Variants in TRIM59 observed in about 807,000 individuals in gnomAD.
TRIM59 encodes the protein tripartite motif containing 59, also known as tripartite motif-containing protein 59.
TRIM59 carries 14 observed loss-of-function variants against 32.2 expected under a neutral mutation model. The ratio of observed to expected loss-of-function variants is 0.43; its 90% CI spans 0.29 to 0.68. The LOEUF is 0.68. Among genes scored for constraint, TRIM59 ranks in the 30% least tolerant of loss-of-function variants. The pLI is 0.15. For synonymous variants in TRIM59, 163 were observed against 155.1 expected, an observed-to-expected ratio of 1.05 and a Z score of -0.38; for missense variants, 471 against 463.3, an observed-to-expected ratio of 1.02 and a Z score of -0.15.
At position 160,438,063 on chromosome 3, in the gene TRIM59, C is replaced by G; in HGVS notation, c.1121G>C (p.Ser374Thr). 2.5e-6 allele frequency: 4 copies of G among 1,608,504 alleles called. No individual in the cohort carries two copies. Among genetic ancestry groups the G allele is most frequent in the Non-Finnish European group, 3.4e-6 (4 of 1,178,612 alleles). ...FSEASLSVYQ[S>T]LSNSLHKVKN... ...TACCTTATGCAGACTGTTAGATAAA[C>G]TTTGGTAAACAGATAGAGAGGCTTC... The change falls in exon 3 of 3, where the codon AGT becomes ACT. Residue 374 changes from serine (S) to threonine (T), a missense_variant. Coordinates refer to ENST00000309784, the MANE Select transcript of TRIM59 (RefSeq NM_173084.3).
In TRIM59 at chr3:160,438,156, A is replaced by G; in HGVS notation, c.1028T>C (p.Met343Thr). Residue 343 changes from methionine (M) to threonine (T), a missense_variant, in exon 3 of 3, where the codon ATG becomes ACG. Transcript: ENST00000309784. ...GTGTTGGTTGAAAAAGAGTATCGAC[A>G]TCAGTATTACTGAAATTAATGTAAC... The part of the protein sequence containing the change: ...VVVTLISVIL[M>T]SILFFNQHII... The G allele has an allele frequency of 1.2e-6, 2 of 1,611,952 alleles. No individual in the cohort carries two copies. The highest frequency in any genetic ancestry group is 1.7e-6 in the Non-Finnish European group (2 of 1,179,294).
chr3:160,444,154 A>T (rs1719400530), intron 2 of TRIM59, among the ~76,000 whole-genome samples: 1 of 152,210 alleles, frequency 6.6e-6, no homozygotes, highest in Non-Finnish European at 1.5e-5. Context: ...GGGGAAAATA[A>T]GGGAAGGAAA....
At position 160,439,164 on chromosome 3, in the gene TRIM59, T is replaced by A; in HGVS notation, c.20A>T (p.Glu7Val). MHNFEE[E>V]LTCPICYSIF... ...ACTATAACATATGGGACAAGTTAAC[T>A]CTTCCTCAAAATTGTGCATTTCCTG... is the stretch of plus-strand genomic sequence containing the variant. Residue 7 changes from glutamate (E) to valine (V), a missense_variant, in exon 3 of 3, where the codon GAG becomes GTG. Glu to Val is a moderately radical substitution (Grantham distance 121). Coordinates refer to ENST00000309784, the MANE Select transcript of TRIM59 (RefSeq NM_173084.3). The A allele has an allele frequency of 6.7e-7, 1 of 1,495,996 alleles. No individual in the cohort carries two copies. The highest frequency in any genetic ancestry group is 2.4e-5 in the Admixed American group (1 of 42,412). The allele number at this position is 1,495,996 out of a possible 1,614,324, so 92.7% of individuals were successfully genotyped here.
At chr3:160,446,815 C>A (rs79781670) in intron 2 of TRIM59, among the ~76,000 whole-genome samples, 2,182 of 152,268 alleles carry the variant, frequency 0.014, 51 homozygotes, top group African/African-American at 0.045. Flanking sequence ...CTGTGAACTG[C>A]GCACGCGAGG....
rs1719025432 is a variant in TRIM59 at position 160,437,246 on chromosome 3, C to G, written c.*726G>C. 1 of 604,278 alleles carries G rather than the reference C, an allele frequency of 1.7e-6. No homozygotes were observed. 37.4% of individuals were successfully genotyped at this position (604,278 alleles called of 1,614,324 possible). Reference sequence around the variant, plus strand: ...GGGTGTGTGCCTTGTCCCAGCTGCTCCAGAGGCAGAGGCGGGAGGATCGAT... The same window carrying G: ...GGGTGTGTGCCTTGTCCCAGCTGCTGCAGAGGCAGAGGCGGGAGGATCGAT... On this transcript the variant is annotated 3_prime_UTR_variant, in exon 3 of 3. Transcript: ENST00000309784.
chr3:160,436,299 A>G lies in TRIM59; in HGVS notation c.*1673T>C. 1 of 987,062 alleles carries G rather than the reference A, an allele frequency of 1.0e-6. No homozygotes were observed. Among genetic ancestry groups the G allele is most frequent in the Non-Finnish European group, 1.2e-6 (1 of 830,792 alleles). 61.1% of individuals were successfully genotyped at this position (987,062 alleles called of 1,614,324 possible). ...GGAGCATAGTCTAATCTGACCCAGA[A>G]TGTCTTTTTGATTTGATATAGGTAA... On this transcript the variant is annotated 3_prime_UTR_variant, in exon 3 of 3. Transcript: ENST00000309784.
In TRIM59 at chr3:160,438,510, A is replaced by G. The variant is rs62617780; in HGVS notation, c.674T>C (p.Met225Thr). The G allele has an allele frequency of 2.6e-3, 4,168 of 1,612,222 alleles. 14 individuals are homozygous for G. The highest frequency in any genetic ancestry group is 0.02 in the Middle Eastern group (122 of 6,056). Residue 225 changes from methionine to threonine, a missense_variant, in exon 3 of 3, where the codon ATG becomes ACG. Physicochemically the swap from Met to Thr is moderately conservative, Grantham distance 81. Transcript: ENST00000309784. Reference sequence around the variant, plus strand: ...AAGCTGCTGCTCTCGTATTTCCTTCATTCTTTCAATTTGTGGAGTATATTC... The same window carrying G: ...AAGCTGCTGCTCTCGTATTTCCTTCGTTCTTTCAATTTGTGGAGTATATTC... Reference protein sequence around the residue: ...NQEYTPQIERMKEIREQQLEL... With the variant: ...NQEYTPQIERTKEIREQQLEL...
chr3:160,449,162 A>G (rs1306789593), intron 1 of TRIM59, among the ~76,000 whole-genome samples: 1 of 152,246 alleles, frequency 6.6e-6, no homozygotes, highest in Non-Finnish European at 1.5e-5. Context: ...TGCCAGCTCT[A>G]AATTATAACT....
rs1016138690 is a variant in TRIM59, at chr3:160,440,401, A to G, written c.-3-1215T>C. The stretch of plus-strand genomic sequence containing the variant: ...AAAAAGAAACGTAGCGATAGTTCAG[A>G]GACCATCTCTGACACAAGTAACTTG... On this transcript the variant is annotated intron_variant, in intron 2 of 2. Transcript: ENST00000309784. Among the ~76,000 whole-genome samples, 5 of 152,194 alleles carry G rather than the reference A, an allele frequency of 3.3e-5. 1 individual carries two copies. Among genetic ancestry groups the G allele is most frequent in the African/African-American group, 1.2e-4 (5 of 41,448 alleles).
At position 160,435,952 on chromosome 3, in the gene TRIM59, A is replaced by G. The variant is rs575005945; in HGVS notation, c.*2020T>C. On this transcript the variant is annotated 3_prime_UTR_variant, in exon 3 of 3. Transcript: ENST00000309784. ...GAAATGAGATTAAGTAGTTTAACAC[A>G]TAATGGCTAACATTTCATTGCTTAC... 3.9e-6 allele frequency: 5 copies of G among 1,282,158 alleles called. No homozygotes were observed. Among genetic ancestry groups the G allele is most frequent in the South Asian group, 3.8e-5 (3 of 79,434 alleles). 79.4% of individuals were successfully genotyped at this position (1,282,158 alleles called of 1,614,324 possible). A position where few individuals can be genotyped will look rare whatever the true frequency, so the allele number is the denominator to read the frequency against.
Position 160,437,534 on chromosome 3 carries a change from CCTTT to C in TRIM59, c.*434_*437del, listed in dbSNP as rs1325807970. Reference sequence around the variant, plus strand: ...AAGACTTTGTTGCTTGATTTTGAAACCTTTCTATCATCCTTATTCACCCATTCAA... The same window carrying C: ...AAGACTTTGTTGCTTGATTTTGAAACCTATCATCCTTATTCACCCATTCAA... On this transcript the variant is annotated 3_prime_UTR_variant, in exon 3 of 3. Transcript: ENST00000309784. 12 of 985,708 alleles carry C rather than the reference CCTTT, an allele frequency of 1.2e-5. No individual in the cohort carries two copies. Among genetic ancestry groups the C allele is most frequent in the East Asian group, 2.3e-4 (2 of 8,826 alleles). 61.1% of individuals were successfully genotyped at this position (985,708 alleles called of 1,614,324 possible). A position where few individuals can be genotyped will look rare whatever the true frequency, so the allele number is the denominator to read the frequency against.
intron 2 of TRIM59, 146 bp downstream of exon 2, chr3:160,448,580 T>C: frequency 2.6e-6 from 1 of 391,634 alleles, no homozygotes; most frequent in Non-Finnish European, 4.6e-6. Context: ...TATGCTCCGC[T>C]CCTTCGATAA....
At position 160,437,258 on chromosome 3, in the gene TRIM59, G is replaced by GCTCC; in HGVS notation, c.*713_*714insGGAG. 1.6e-6 allele frequency: 1 copy of GCTCC among 619,552 alleles called. No individual in the cohort carries two copies. Among genetic ancestry groups the GCTCC allele is most frequent in the Non-Finnish European group, 2.0e-6 (1 of 496,310 alleles). The allele number at this position is 619,552 out of a possible 1,614,324, so 38.4% of individuals were successfully genotyped here. A position where few individuals can be genotyped will look rare whatever the true frequency, so the allele number is the denominator to read the frequency against. ...TGTCCCAGCTGCTCCAGAGGCAGAG[G>GCTCC]CGGGAGGATCGATTGAGCCTGGGTG... On this transcript the variant is annotated 3_prime_UTR_variant, in exon 3 of 3. Coordinates refer to ENST00000309784, the MANE Select transcript of TRIM59 (RefSeq NM_173084.3).
rs1195997897 is a variant in TRIM59 at position 160,438,897 on chromosome 3, G to T, written c.287C>A (p.Thr96Asn). Reference protein sequence around the residue: ...YQQEDHPDIVTCPEHYRQPLN... With the variant: ...YQQEDHPDIVNCPEHYRQPLN... ...TGGTTGCCTGTAATGTTCAGGGCAG[G>T]TGACAATATCTGGATGGTCTTCTTG... is the stretch of plus-strand genomic sequence containing the variant. The change falls in exon 3 of 3, where the codon ACC (threonine) becomes AAC (asparagine). Residue 96 changes from threonine to asparagine, a missense_variant. Transcript: ENST00000309784. 1 of 1,614,042 alleles carries T rather than the reference G, an allele frequency of 6.2e-7. No individual in the cohort carries two copies. The highest frequency in any genetic ancestry group is 1.3e-5 in the African/African-American group (1 of 75,046).
In TRIM59 at chr3:160,437,177, CCTCGTTTCTA is replaced by C. The variant is rs2108513615; in HGVS notation, c.*785_*794del. Reference sequence around the variant, plus strand: ...GACCAACCTGGGCAATATGGCAAAACCTCGTTTCTACAAAAAACAATTTTTTTAATTAGCC... The same window carrying C: ...GACCAACCTGGGCAATATGGCAAAACCAAAAAACAATTTTTTTAATTAGCC... On this transcript the variant is annotated 3_prime_UTR_variant, in exon 3 of 3. Coordinates refer to ENST00000309784, the MANE Select transcript of TRIM59 (RefSeq NM_173084.3). 1 of 705,100 alleles carries C rather than the reference CCTCGTTTCTA, an allele frequency of 1.4e-6. No individual in the cohort carries two copies. Among genetic ancestry groups the C allele is most frequent in the South Asian group, 6.4e-5 (1 of 15,588 alleles). The allele number at this position is 705,100 out of a possible 1,614,324, so 43.7% of individuals were successfully genotyped here. A position where few individuals can be genotyped will look rare whatever the true frequency, so the allele number is the denominator to read the frequency against.
intron 2 of TRIM59, chr3:160,447,971 A>G (rs1020785001): frequency 6.6e-6 from 1 of 152,220 alleles, no homozygotes; most frequent in Non-Finnish European, 1.5e-5. Context: ...CAAGATTTTT[A>G]AAAATAATTC....
Position 160,438,545 on chromosome 3 carries a change from T to C in TRIM59, c.639A>G (p.Leu213=), listed in dbSNP as rs138954380. Reference sequence around the variant, plus strand: ...TTTGTGGAGTATATTCTTGATTAATTAGATTGCCAACATCACAGAGAGCCG... The same window carrying C: ...TTTGTGGAGTATATTCTTGATTAATCAGATTGCCAACATCACAGAGAGCCG... The part of the protein sequence containing the change: ...FLTALCDVGN[L]INQEYTPQIE... Residue 213 remains leucine (L), a synonymous_variant, in exon 3 of 3, where the codon CTA becomes CTG. Coordinates refer to ENST00000309784, the MANE Select transcript of TRIM59 (RefSeq NM_173084.3). The C allele has an allele frequency of 3.1e-5, 50 of 1,611,418 alleles. No homozygotes were observed. The highest frequency in any genetic ancestry group is 3.9e-5 in the Non-Finnish European group (46 of 1,179,448).
At chr3:160,447,096 C>G (rs575726901) in intron 2 of TRIM59, among the ~76,000 whole-genome samples, 4 of 151,990 alleles carry the variant, frequency 2.6e-5, no homozygotes, top group Admixed American at 2.6e-4. Flanking sequence ...AAACTGCATA[C>G]TTAAAAAGAT....
chr3:160,441,941 C>A (rs545781189), intron 2 of TRIM59, among the ~76,000 whole-genome samples: 13 of 152,186 alleles, frequency 8.5e-5, no homozygotes, highest in Admixed American at 3.9e-4. Context: ...CAAGTGAGTG[C>A]ATGCTGGCAA....
Sources: allele counts gnomAD v4.1 joint callset (sites outside exome capture counted in the v4.1 genomes callset), GRCh38; gene constraint gnomAD v4.1.1; transcripts MANE v1.5; gene names NCBI Gene and HGNC (gene_info 2026-07-23, HGNC 2026-07-21).